PIEZO1: variants seen among roughly 807,000 people sequenced by gnomAD.
The protein encoded by PIEZO1 is piezo type mechanosensitive ion channel component 1 (Er blood group), also known as piezo-type mechanosensitive ion channel component 1.
PIEZO1 carries 296 observed loss-of-function variants against 297.2 expected under a neutral mutation model. The ratio of observed to expected loss-of-function variants is 1.00; its 90% confidence interval spans 0.91 to 1.10. PIEZO1 has a LOEUF of 1.10. Ranked by LOEUF, PIEZO1 falls within the 50% of genes least tolerant of loss-of-function variation. The pLI, the probability that PIEZO1 is intolerant of heterozygous loss-of-function variation, is 0.00. For missense variants in PIEZO1, 5,018 were observed against 3,455.5 expected (o/e 1.45, Z -11.34); for synonymous variants, 2,427 against 1,507.5 (o/e 1.61, Z -14.13).
intron 1 of PIEZO1, among the ~76,000 whole-genome samples, chr16:88,769,918 G>A (rs1045833822): frequency 1.3e-5 from 2 of 152,150 alleles, no homozygotes; most frequent in African/African-American, 4.8e-5. Flanking sequence ...AGATCCCCTA[G>A]GGGGTCACAC....
chr16:88,734,674 T>G lies in PIEZO1; in HGVS notation c.1973A>C (p.Asn658Thr), dbSNP rs1488750843. ...QFQDFPAYWR[N>T]LTGFTDEQLG... Reference sequence around the variant, plus strand: ...CTGCTCGTCGGTGAAGCCAGTGAGGTTGCGCCAGTAGGCAGGGAAGTCCTG... The same window carrying G: ...CTGCTCGTCGGTGAAGCCAGTGAGGGTGCGCCAGTAGGCAGGGAAGTCCTG... Residue 658 changes from asparagine (N) to threonine (T), a missense_variant, in exon 15 of 51, where the codon AAC becomes ACC. Asn to Thr is a moderately conservative substitution (Grantham distance 65). Transcript: ENST00000301015. The G allele has an allele frequency of 6.5e-7, 1 of 1,550,088 alleles. No individual in the cohort carries two copies. The highest frequency in any genetic ancestry group is 1.4e-5 in the African/African-American group (1 of 73,018).
At chr16:88,769,345 G>A (rs1321165107) in intron 1 of PIEZO1, among the ~76,000 whole-genome samples, 3 of 152,170 alleles carry the variant, frequency 2.0e-5, no homozygotes, top group African/African-American at 4.8e-5. Flanking sequence ...AGGCCACCAC[G>A]CCCAGAGCAT....
intron 30 of PIEZO1, among the ~76,000 whole-genome samples, chr16:88,724,416 A>G (rs1173191716): frequency 1.3e-5 from 2 of 152,004 alleles, no homozygotes; most frequent in Admixed American, 1.3e-4. Flanking sequence ...CTGTAATCCC[A>G]GCTACTTGGG....
chr16:88,717,330 A>G lies in PIEZO1; in HGVS notation c.6472-119T>C, dbSNP rs4782432. The stretch of plus-strand genomic sequence containing the variant: ...CCCCAGCCTGACCTCAGTATGGCAC[A>G]GCGGTAGTAATGGTGGGCAGACACA... On this transcript the variant is annotated intron_variant, in intron 44 of 50. Transcript: ENST00000301015. The G allele has an allele frequency of 0.89, 707,182 of 796,334 alleles. 314,395 individuals carry two copies. The highest frequency in any genetic ancestry group is 0.92 in the Middle Eastern group (3,861 of 4,200). The allele number at this position is 796,334 out of a possible 1,614,324, so 49.3% of individuals were successfully genotyped here. A position where few individuals can be genotyped will look rare whatever the true frequency, so the allele number is the denominator to read the frequency against.
Position 88,721,321 on chromosome 16 carries a change from G to T in PIEZO1, c.5513C>A (p.Thr1838Asn), listed in dbSNP as rs745612488. The T allele has an allele frequency of 2.6e-6, 4 of 1,546,568 alleles. No homozygotes were observed. Among genetic ancestry groups the T allele is most frequent in the Non-Finnish European group, 2.6e-6 (3 of 1,146,736 alleles). The part of the protein sequence containing the change: ...EEGPGVPAAT[T>N]EDHIQVEARV... ...GGCTTCCACCTGAATGTGGTCTTCG[G>T]TGGTGGCCGCAGGCACCCCTGGCCC... The change falls in exon 39 of 51, where the codon ACC (threonine) becomes AAC (asparagine). Residue 1838 changes from threonine (T) to asparagine (N), a missense_variant. Physicochemically the swap from Thr to Asn is moderately conservative, Grantham distance 65 (BLOSUM62 0). Coordinates refer to ENST00000301015, the MANE Select transcript of PIEZO1 (RefSeq NM_001142864.4).
Position 88,726,338 on chromosome 16 carries a change from T to C in PIEZO1, c.3914A>G (p.His1305Arg), listed in dbSNP as rs1421924285. The C allele has an allele frequency of 5.2e-6, 8 of 1,550,164 alleles. No homozygotes were observed. Among genetic ancestry groups the C allele is most frequent in the African/African-American group, 2.7e-5 (2 of 73,016 alleles). The change falls in exon 27 of 51, where the codon CAT (histidine) becomes CGT (arginine). Residue 1305 changes from histidine to arginine, a missense_variant. His to Arg is a conservative substitution (Grantham distance 29). Coordinates refer to ENST00000301015, the MANE Select transcript of PIEZO1 (RefSeq NM_001142864.4). ...LLLQRRVFLS[H>R]YYLHVRADLQ... ...GTCGGCCCTGACGTGCAGGTAGTAATGGCTAAGGAAGACGCGGCGCTGCAG... is the reference window on the plus strand; with the variant it reads ...GTCGGCCCTGACGTGCAGGTAGTAACGGCTAAGGAAGACGCGGCGCTGCAG...
intron 5 of PIEZO1, 92 bp downstream of exon 5, chr16:88,741,386 T>A (rs1597464507): frequency 8.4e-7 from 1 of 1,196,118 alleles, no homozygotes; most frequent in South Asian, 1.6e-5. Context: ...CGTCTACATC[T>A]GTTTTAAAAA....
Position 88,732,545 on chromosome 16 carries a change from G to A in PIEZO1, c.2791-10C>T, listed in dbSNP as rs770343407. ...GCACTTGCAGGTGGTTCTGCGGAGG[G>A]CAAGGGTCAGGGGGCAGCCGGGTAC... On this transcript the variant is annotated splice_polypyrimidine_tract_variant and intron_variant, in intron 20 of 50. Transcript: ENST00000301015. 6 of 1,545,058 alleles carry A rather than the reference G, an allele frequency of 3.9e-6. No individual in the cohort carries two copies. Among genetic ancestry groups the A allele is most frequent in the Admixed American group, 3.9e-5 (2 of 50,854 alleles).
chr16:88,721,651 C>A lies in PIEZO1; in HGVS notation c.5290G>T (p.Glu1764Ter), dbSNP rs749976222. The change falls in exon 38 of 51, where the codon GAG becomes TAG. Residue 1764 changes from glutamate to a stop codon, truncating the protein, a stop_gained. Transcript: ENST00000301015. LOFTEE classifies it high-confidence loss of function. The part of the protein sequence containing the change: ...WNSHVVLRRY[E>*]NKPYFPPRIL... The stretch of plus-strand genomic sequence containing the variant: ...CGGGGCGGGAAGTAGGGCTTGTTCT[C>A]GTAGCGCCGCAGCACCACGTGGCTG... 9 of 1,550,032 alleles carry A rather than the reference C, an allele frequency of 5.8e-6. No homozygotes were observed. Among genetic ancestry groups the A allele is most frequent in the Admixed American group, 2.0e-5 (1 of 50,982 alleles).
At chr16:88,784,474 T>C (rs1908082622) in intron 1 of PIEZO1, among the ~76,000 whole-genome samples, 1 of 149,858 alleles carries the variant, frequency 6.7e-6, no homozygotes. Context: ...CAGGAAGTCC[T>C]GATGCAACTT....
chr16:88,734,868 C>A lies in PIEZO1; in HGVS notation c.1848+7G>T, dbSNP rs766169011. 1 of 1,550,340 alleles carries A rather than the reference C, an allele frequency of 6.5e-7. No homozygotes were observed. Among genetic ancestry groups the A allele is most frequent in the South Asian group, 1.2e-5 (1 of 84,066 alleles). On this transcript the variant is annotated splice_region_variant and intron_variant, in intron 14 of 50. Transcript: ENST00000301015. ...TGCCCCAGCCCCCATCCCGGCCCCC[C>A]AGCCACCTGGAAGAGGGTGAGGCAG...
chr16:88,725,631 C>T lies in PIEZO1; in HGVS notation c.4022G>A (p.Arg1341Lys), dbSNP rs1051593745. The change falls in exon 28 of 51, where the codon AGG becomes AAG. Residue 1341 changes from arginine (R) to lysine (K), a missense_variant. Arg to Lys is a conservative substitution (Grantham distance 26). Transcript: ENST00000301015. ...CTGGGCCAGGGACTTCTCCTCTATC[C>T]TGCGGTGAAAGTCAATGCTCTTGAG... Reference protein sequence around the residue: ...ANLKSIDFHRRIEEKSLAQLK... With the variant: ...ANLKSIDFHRKIEEKSLAQLK... The T allele has an allele frequency of 8.4e-6, 13 of 1,549,714 alleles. No individual in the cohort carries two copies. In the East Asian group the frequency reaches 1.5e-4, roughly 17 times the overall value.
chr16:88,783,104 G>C (rs1454670791), intron 1 of PIEZO1, among the ~76,000 whole-genome samples: 1 of 152,192 alleles, frequency 6.6e-6, no homozygotes, highest in Non-Finnish European at 1.5e-5. Flanking sequence ...CACGGGGCCT[G>C]GGTGAGCACC....
chr16:88,725,727 C>A, intron 27 of PIEZO1, 43 bp from the exon 28 acceptor site: 1 of 1,045,734 alleles, frequency 9.6e-7, no homozygotes, highest in Non-Finnish European at 1.5e-6. Context: ...AGGCACTCGA[C>A]CCCAGCAACA....
intron 39 of PIEZO1, among the ~76,000 whole-genome samples, 174 bp from the exon 40 acceptor site, chr16:88,720,922 G>C (rs915766520): frequency 6.6e-6 from 1 of 152,162 alleles, no homozygotes; most frequent in Non-Finnish European, 1.5e-5. Flanking sequence ...CCTCTGTCTG[G>C]GGCAACTGTG....
At chr16:88,719,206 AC>A (rs1445220296) in intron 44 of PIEZO1, 1 of 241,706 alleles carries the variant, frequency 4.1e-6, no homozygotes, top group Non-Finnish European at 8.2e-6. Flanking sequence ...TCCACTAGAA[AC>A]CCCTGAGTTG....
chr16:88,734,705 G>A lies in PIEZO1; in HGVS notation c.1942C>T (p.Gln648Ter), dbSNP rs1401585508. The A allele has an allele frequency of 5.2e-6, 8 of 1,550,262 alleles. No homozygotes were observed. The highest frequency in any genetic ancestry group is 2.0e-5 in the Admixed American group (1 of 50,996). ...CAGTAGGCAGGGAAGTCCTGGAACT[G>A]GAAGGTGTAGACGGCGATGAGGACC... ...MLVLIAVYTF[Q>*]FQDFPAYWRN... Residue 648 changes from glutamine (Q) to a stop codon, truncating the protein, a stop_gained, in exon 15 of 51, where the codon CAG (glutamine) becomes TAG (stop). Transcript: ENST00000301015. LOFTEE classifies it high-confidence loss of function.
intron 16 of PIEZO1, 79 bp downstream of exon 16, chr16:88,734,277 G>T: frequency 1.5e-6 from 2 of 1,340,366 alleles, no homozygotes; most frequent in Non-Finnish European, 2.0e-6. Flanking sequence ...TGTGGCTCCT[G>T]TCCAACTCCC....
intron 48 of PIEZO1, 42 bp from the exon 49 acceptor site, chr16:88,716,319 C>G (rs1912026684): frequency 2.0e-6 from 3 of 1,498,388 alleles, no homozygotes; most frequent in African/African-American, 1.4e-5. Context: ...CCCAGCCAAC[C>G]TGGCACAGCC....
Sources: allele counts gnomAD v4.1 joint callset (sites outside exome capture counted in the v4.1 genomes callset), GRCh38; gene constraint gnomAD v4.1.1; transcripts MANE v1.5; gene names NCBI Gene and HGNC (gene_info 2026-07-23, HGNC 2026-07-21).